The following PHLDB1 variants were observed in gnomAD, a reference collection of about 807,000 sequenced individuals.
PHLDB1 encodes the protein pleckstrin homology like domain family B member 1.
Under a neutral mutation model 139.3 loss-of-function variants are expected in PHLDB1, and 65 were observed. The observed-to-expected ratio is 0.47, with a 90% CI of 0.38 to 0.57. The LOEUF is 0.57. Among genes scored for constraint, PHLDB1 ranks in the 20% least tolerant of loss-of-function variants. The pLI, the probability that PHLDB1 is intolerant of heterozygous loss-of-function variation, is 0.00. For missense variants in PHLDB1, 1,624 were observed against 1,839.7 expected, an observed-to-expected ratio of 0.88 and a Z score of 2.14; for synonymous variants, 679 against 734.5, an observed-to-expected ratio of 0.92 and a Z score of 1.22.
chr11:118,623,815 G>A (rs1367590275), intron 4 of PHLDB1, among the ~76,000 whole-genome samples: 1 of 151,992 alleles, frequency 6.6e-6, no homozygotes, highest in Non-Finnish European at 1.5e-5. Flanking sequence ...GGGGCAGATA[G>A]ATGGATCATG....
intron 4 of PHLDB1, among the ~76,000 whole-genome samples, chr11:118,616,495 A>G (rs1941672521): frequency 6.6e-6 from 1 of 152,124 alleles, no homozygotes; most frequent in South Asian, 2.1e-4. Context: ...GGCCTGGGGC[A>G]TGATGGCGTT....
chr11:118,645,333 A>T lies in PHLDB1; in HGVS notation c.3122-23A>T, dbSNP rs199843106. ...TTAGCTGCGTGGGGAGCCCACTGTG[A>T]CTCCCATCTGTCTCTCCTTCAGGAC... On this transcript the variant is annotated intron_variant, in intron 15 of 22. Transcript: ENST00000600882. This position sits in a 1 kb window ranked among gnomAD's most constrained non-coding sequence, Gnocchi z 5.1. 3.5e-5 allele frequency: 53 copies of T among 1,499,400 alleles called. No homozygotes were observed. The East Asian group carries it at 1.2e-3, about 35-fold the overall frequency. The allele number at this position is 1,499,400 out of a possible 1,614,324, so 92.9% of individuals were successfully genotyped here. A position where few individuals can be genotyped will look rare whatever the true frequency, so the allele number is the denominator to read the frequency against.
Position 118,616,224 on chromosome 11 carries a change from A to G in PHLDB1, c.355+13A>G. The G allele has an allele frequency of 1.2e-6, 2 of 1,611,646 alleles. No homozygotes were observed. Among genetic ancestry groups the G allele is most frequent in the Non-Finnish European group, 1.7e-6 (2 of 1,178,732 alleles). ...CGGCTCACTCAGGGTAAGGCTGGAC[A>G]CCTCCAGATGGAGGGGGCCTCTGTT... On this transcript the variant is annotated intron_variant, in intron 4 of 22. Coordinates refer to ENST00000600882, the MANE Select transcript of PHLDB1 (RefSeq NM_001144758.3).
intron 10 of PHLDB1, chr11:118,637,720 A>T (rs1367630962): frequency 6.6e-6 from 1 of 152,104 alleles, no homozygotes; most frequent in East Asian, 1.9e-4. Flanking sequence ...CTTTCCCATG[A>T]TTTGTTCCTA....
chr11:118,654,364 A>T (rs1555139922), intron 20 of PHLDB1: 1 of 152,168 alleles, frequency 6.6e-6, no homozygotes. Context: ...TGCTCTGTAC[A>T]CATCAAGGGA....
rs781789223 is a variant in PHLDB1, at chr11:118,642,275, G to A, written c.2758G>A (p.Ala920Thr). The A allele has an allele frequency of 4.3e-6, 7 of 1,612,764 alleles. No individual in the cohort carries two copies. The South Asian group carries it at 7.7e-5, about 18-fold the overall frequency. The change falls in exon 13 of 23, where the codon GCT becomes ACT. Residue 920 changes from alanine (A) to threonine (T), a missense_variant. Ala to Thr is a moderately conservative substitution (Grantham distance 58). Transcript: ENST00000600882. ...LKEMEKLLLP[A>T]VDLEQWYQEL... ...CCAGATGGAGAAGCTGCTGCTCCCT[G>A]CTGTAGACTTAGAGCAGTGGTACCA... is the stretch of plus-strand genomic sequence containing the variant.
chr11:118,626,984 A>G (rs1943995393), intron 5 of PHLDB1: 1 of 355,564 alleles, frequency 2.8e-6, no homozygotes, highest in Non-Finnish European at 5.1e-6. Context: ...GGGATATAGG[A>G]TATAGATTGG....
chr11:118,636,191 G>A (rs1945614676), intron 10 of PHLDB1, among the ~76,000 whole-genome samples: 1 of 152,190 alleles, frequency 6.6e-6, no homozygotes, highest in African/African-American at 2.4e-5. Flanking sequence ...GAAGAGGTGA[G>A]GGAGGGATTG....
chr11:118,649,283 GAAAAAA>G (rs201463480), intron 18 of PHLDB1, among the ~76,000 whole-genome samples: 1 of 141,424 alleles, frequency 7.1e-6, no homozygotes, highest in Non-Finnish European at 1.6e-5. Flanking sequence ...TCTGTCTCAG[GAAAAAA>G]AAAAAAGAAA....
intron 22 of PHLDB1, 76 bp from the exon 23 acceptor site, chr11:118,656,607 C>G: frequency 7.0e-7 from 1 of 1,438,232 alleles, no homozygotes; most frequent in East Asian, 2.3e-5. Flanking sequence ...GGGGAAAGGG[C>G]AGATAGGGAG....
At chr11:118,623,917 T>TGTGA (rs57599971) in intron 4 of PHLDB1, among the ~76,000 whole-genome samples, 1,739 of 144,234 alleles carry the variant, frequency 0.012, 24 homozygotes, top group Middle Eastern at 0.039. Flanking sequence ...TGTGTGTGTG[T>TGTGA]GAGACGGAGT....
Position 118,610,122 on chromosome 11 carries a change from A to C in PHLDB1, c.-22+2423A>C, listed in dbSNP as rs1204013026. ...TGTCCTTTCTTCCCCCGACCCCTCCACCTCTGTGTTCTTCAGTCTCCCCGC... is the reference window on the plus strand; with the variant it reads ...TGTCCTTTCTTCCCCCGACCCCTCCCCCTCTGTGTTCTTCAGTCTCCCCGC... On this transcript the variant is annotated intron_variant, in intron 1 of 22. Transcript: ENST00000600882. This position sits in a 1 kb window ranked among gnomAD's most constrained non-coding sequence, Gnocchi z 8.7. Among the ~76,000 whole-genome samples, 14 of 130,284 alleles carry C rather than the reference A, an allele frequency of 1.1e-4. No individual in the cohort carries two copies. The highest frequency in any genetic ancestry group is 1.0e-3 in the South Asian group (4 of 3,916). 85.5% of individuals were successfully genotyped at this position (130,284 alleles called of 152,430 possible). A position where few individuals can be genotyped will look rare whatever the true frequency, so the allele number is the denominator to read the frequency against.
intron 3 of PHLDB1, chr11:118,614,914 A>C (rs1430801383): frequency 2.1e-6 from 1 of 481,628 alleles, no homozygotes; most frequent in African/African-American, 2.0e-5. Context: ...CAAGGAGGAG[A>C]GGCCAGGTGT....
In PHLDB1 at chr11:118,651,001, C is replaced by G. The variant is rs145106291; in HGVS notation, c.3874+454C>G. 4.9e-3 allele frequency: 917 copies of G among 188,172 alleles called. 5 individuals are homozygous for G. Among genetic ancestry groups the G allele is most frequent in the Non-Finnish European group, 7.3e-3 (653 of 89,500 alleles). The allele number at this position is 188,172 out of a possible 1,614,324, so 11.7% of individuals were successfully genotyped here. A position where few individuals can be genotyped will look rare whatever the true frequency, so the allele number is the denominator to read the frequency against. ...TTCCAAGACAAGCAGTTGAACAGTG[C>G]CAAAGAGTGCTCAGGATAGCCCAGG... On this transcript the variant is annotated intron_variant, in intron 20 of 22. Transcript: ENST00000600882.
intron 9 of PHLDB1, 22 bp from the exon 10 acceptor site, chr11:118,635,371 C>G: frequency 2.6e-6 from 4 of 1,558,796 alleles, no homozygotes; most frequent in Non-Finnish European, 2.6e-6. Context: ...CCACCCAACC[C>G]CCTTTGTCAC....
intron 11 of PHLDB1, 71 bp downstream of exon 11, chr11:118,639,072 G>T (rs1946103251): frequency 1.9e-6 from 3 of 1,548,730 alleles, no homozygotes; most frequent in Middle Eastern, 1.7e-4. Context: ...AAGGACTGGG[G>T]TGTAAATGTG....
rs562406235 is a variant in PHLDB1, at chr11:118,647,965, G to A, written c.3543G>A (p.Glu1181=). The A allele has an allele frequency of 6.3e-7, 1 of 1,590,092 alleles. No homozygotes were observed. The highest frequency in any genetic ancestry group is 1.8e-5 in the Admixed American group (1 of 55,816). ...REMELRRQAL[E]EERRRREQVE... ...TGGAGCTGCGGCGGCAGGCCCTGGA[G>A]GAGGAGCGGCGGAGGCGTGAGCAGG... The change falls in exon 18 of 23, where the codon GAG becomes GAA. Residue 1181 remains glutamate, a synonymous_variant. Transcript: ENST00000600882.
chr11:118,624,900 A>G (rs1555099370), intron 4 of PHLDB1, 34 bp from the exon 5 acceptor site: 2 of 1,612,878 alleles, frequency 1.2e-6, no homozygotes, highest in Non-Finnish European at 1.7e-6. Flanking sequence ...GTGAGCCACC[A>G]CACCTGGTCT....
rs185330267 is a variant in PHLDB1, at chr11:118,630,098, C to T, written c.1828-1109C>T. 355 of 1,246,214 alleles carry T rather than the reference C, an allele frequency of 2.8e-4. No homozygotes were observed. The African/African-American group carries it at 4.8e-3, about 17-fold the overall frequency. The allele number at this position is 1,246,214 out of a possible 1,614,324, so 77.2% of individuals were successfully genotyped here. A position where few individuals can be genotyped will look rare whatever the true frequency, so the allele number is the denominator to read the frequency against. The stretch of plus-strand genomic sequence containing the variant: ...GGGAAGCTGGGTAAGTGTATGAGAA[C>T]ACCTCTCCAGCCTTCTCTCCACTTC... On this transcript the variant is annotated intron_variant, in intron 6 of 22. Coordinates refer to ENST00000600882, the MANE Select transcript of PHLDB1 (RefSeq NM_001144758.3).
Sources: gnomAD v4.1 joint callset for allele counts (sites outside exome capture counted in the v4.1 genomes callset) on GRCh38, gnomAD v4.1.1 for gene constraint, Gnocchi (gnomAD v3.1) non-coding constraint, MANE v1.5 for transcripts, NCBI Gene and HGNC (gene_info 2026-07-23, HGNC 2026-07-21) for gene names.